CADPS: variants seen among roughly 807,000 people sequenced by gnomAD.
CADPS encodes calcium dependent secretion activator, also known as calcium-dependent secretion activator 1.
Under a neutral mutation model 167.3 loss-of-function variants are expected in CADPS, and 57 were observed. The observed-to-expected ratio is 0.34, with a 90% confidence interval of 0.28 to 0.42. The LOEUF (loss-of-function observed/expected upper bound fraction) is 0.42, where lower values mean the gene tolerates loss of function less well. CADPS is among the 20% of genes least tolerant of loss of function. CADPS has a pLI of 1.00. For synonymous variants in CADPS, 676 were observed against 635.3 expected (o/e 1.06, Z -0.96); for missense variants, 1,414 against 1,738.1 (o/e 0.81, Z 3.32).
intron 2 of CADPS, 56 bp downstream of exon 2, chr3:62,765,815 C>A (rs931170575): frequency 7.7e-6 from 9 of 1,162,670 alleles, no homozygotes; most frequent in Non-Finnish European, 1.1e-5. Context: ...GCAGCTCAGA[C>A]TCCCCAGGCA....
chr3:62,585,503 T>G (rs147421765), intron 7 of CADPS, among the ~76,000 whole-genome samples, 179 bp from the exon 8 acceptor site: 1,682 of 152,308 alleles, frequency 0.011, 21 homozygotes, highest in Middle Eastern at 0.024. Flanking sequence ...AAAGTAAAGA[T>G]TTCTGTAATT....
At chr3:62,543,893 T>C (rs1005257208) in intron 11 of CADPS, among the ~76,000 whole-genome samples, 2 of 152,170 alleles carry the variant, frequency 1.3e-5, no homozygotes, top group Non-Finnish European at 2.9e-5. Context: ...ATAACTCGAA[T>C]AGTTAAGAGA....
intron 20 of CADPS, 89 bp downstream of exon 20, chr3:62,492,201 C>T: frequency 9.0e-7 from 1 of 1,108,218 alleles, no homozygotes; most frequent in South Asian, 1.4e-5. Context: ...CTATGTCAAG[C>T]CTGTAGTCTG....
intron 28 of CADPS, among the ~76,000 whole-genome samples, chr3:62,419,623 A>C (rs2050886776): frequency 6.6e-6 from 1 of 152,184 alleles, no homozygotes; most frequent in Non-Finnish European, 1.5e-5. Context: ...ATGTAGGAGA[A>C]GGATTCAGCG....
intron 2 of CADPS, among the ~76,000 whole-genome samples, chr3:62,756,068 T>TA (rs1372453696): frequency 6.6e-6 from 1 of 151,706 alleles, no homozygotes; most frequent in African/African-American, 2.4e-5. Flanking sequence ...TTTTTTTTTT[T>TA]TTTGAGACAG....
In CADPS at chr3:62,478,453, C is replaced by T; in HGVS notation, c.3174-37G>A. The T allele has an allele frequency of 6.3e-7, 1 of 1,588,732 alleles. No individual in the cohort carries two copies. The highest frequency in any genetic ancestry group is 8.6e-7 in the Non-Finnish European group (1 of 1,165,144). On this transcript the variant is annotated intron_variant, in intron 22 of 29. Transcript: ENST00000383710. This position sits in a 1 kb window ranked among gnomAD's most constrained non-coding sequence, Gnocchi z 5.7. ...AAAATTAGAAAATGAGAGTCACCCA[C>T]TGGCCTCAGGCTCTACAAAAACTAA...
intron 1 of CADPS, among the ~76,000 whole-genome samples, chr3:62,857,206 G>T (rs2079880924): frequency 6.6e-6 from 1 of 152,020 alleles, no homozygotes; most frequent in South Asian, 2.1e-4. Context: ...CAATAAATAT[G>T]TAAAAAAGAA....
At chr3:62,617,496 C>A (rs559047802) in intron 6 of CADPS, among the ~76,000 whole-genome samples, 8 of 152,126 alleles carry the variant, frequency 5.3e-5, no homozygotes, top group East Asian at 1.9e-4. Flanking sequence ...TATCAAGTAT[C>A]CCCTGTGCTT....
intron 1 of CADPS, among the ~76,000 whole-genome samples, chr3:62,781,761 A>G (rs1427330809): frequency 6.6e-6 from 1 of 152,138 alleles, no homozygotes; most frequent in Non-Finnish European, 1.5e-5. Flanking sequence ...GCAAGATGGT[A>G]GGGGAGATAC....
intron 4 of CADPS, among the ~76,000 whole-genome samples, chr3:62,654,559 C>T (rs925103961): frequency 1.3e-5 from 2 of 152,158 alleles, no homozygotes; most frequent in Non-Finnish European, 2.9e-5. Context: ...CACAATATTT[C>T]CTCATATTTC....
At chr3:62,854,122 G>A (rs528750729) in intron 1 of CADPS, among the ~76,000 whole-genome samples, 6 of 152,096 alleles carry the variant, frequency 3.9e-5, no homozygotes, top group African/African-American at 1.4e-4. Flanking sequence ...GAACTAAAAT[G>A]CAGAAATGTC....
chr3:62,823,108 T>A (rs1338277321), intron 1 of CADPS, among the ~76,000 whole-genome samples: 2 of 152,170 alleles, frequency 1.3e-5, no homozygotes, highest in Non-Finnish European at 2.9e-5. Context: ...ATCTATTATC[T>A]TTTCAAAAAT....
At chr3:62,550,913 T>TTAGCTTCAA (rs775941421) in intron 10 of CADPS, 14 of 456,668 alleles carry the variant, frequency 3.1e-5, no homozygotes, top group Non-Finnish European at 5.7e-5. Context: ...GAGGAAACCC[T>TTAGCTTCAA]GACTTTCCTC....
intron 3 of CADPS, among the ~76,000 whole-genome samples, chr3:62,707,587 G>A (rs1196419012): frequency 1.3e-5 from 2 of 152,120 alleles, no homozygotes; most frequent in East Asian, 1.9e-4. Flanking sequence ...ATAAGGTTGT[G>A]TTTTCCATTA....
At chr3:62,609,086 C>T (rs1420979643) in intron 6 of CADPS, among the ~76,000 whole-genome samples, 2 of 152,174 alleles carry the variant, frequency 1.3e-5, no homozygotes, top group African/African-American at 4.8e-5. Flanking sequence ...ACCCCTGGAA[C>T]TTTTCTTTCA....
At chr3:62,617,262 G>A (rs1578897106) in intron 6 of CADPS, among the ~76,000 whole-genome samples, 1 of 152,244 alleles carries the variant, frequency 6.6e-6, no homozygotes, top group South Asian at 2.1e-4. Flanking sequence ...CTGTGGTTCA[G>A]AGGAGAACGA....
chr3:62,731,835 A>AAAAAAAAAAAAAAAAAAAAAAAAAG (rs568495417), intron 3 of CADPS, among the ~76,000 whole-genome samples: 1 of 110,240 alleles, frequency 9.1e-6, no homozygotes, highest in Non-Finnish European at 1.8e-5. Flanking sequence ...AAAAAAGTAA[A>AAAAAAAAAAAAAAAAAAAAAAAAAG]GAAGGAAGAA....
chr3:62,733,742 G>T (rs567789328), intron 3 of CADPS, among the ~76,000 whole-genome samples: 1 of 151,892 alleles, frequency 6.6e-6, no homozygotes, highest in Non-Finnish European at 1.5e-5. Flanking sequence ...TTTTGGTTAC[G>T]TGGATAAGTC....
chr3:62,576,638 A>AC (rs1232188977), intron 8 of CADPS, among the ~76,000 whole-genome samples: 9 of 150,206 alleles, frequency 6.0e-5, no homozygotes, highest in African/African-American at 2.2e-4. Flanking sequence ...TGAAAAAAAA[A>AC]AAATTAGCTG....
Sources: allele counts gnomAD v4.1 joint callset (sites outside exome capture counted in the v4.1 genomes callset), GRCh38; gene constraint gnomAD v4.1.1; non-coding constraint Gnocchi (gnomAD v3.1); transcripts MANE v1.5; gene names NCBI Gene and HGNC (gene_info 2026-07-23, HGNC 2026-07-21).